The following GARNL3 variants were observed in gnomAD, a reference collection of about 807,000 sequenced individuals.
GARNL3 encodes the protein GTPase-activating Rap/Ran-GAP domain-like protein 3.
A neutral mutation model predicts 125.0 loss-of-function variants in GARNL3; 63 were observed. The ratio of observed to expected loss-of-function variants is 0.50; its 90% confidence interval spans 0.41 to 0.62. The LOEUF is 0.62. GARNL3 is among the 20% of genes least tolerant of loss of function. The pLI is 0.00. For synonymous variants in GARNL3, 439 were observed against 457.5 expected, an observed-to-expected ratio of 0.96 and a Z score of 0.52; for missense variants, 994 against 1,244.0, an observed-to-expected ratio of 0.80 and a Z score of 3.02.
chr9:127,376,479 G>A (rs9776669), intron 22 of GARNL3, among the ~76,000 whole-genome samples: 72,213 of 151,918 alleles, frequency 0.48, 18,101 homozygotes, highest in East Asian at 0.68. Flanking sequence ...CGGCCTCCCA[G>A]AGTGCTGAGA....
At position 127,387,032 on chromosome 9, in the gene GARNL3, C is replaced by T. The variant is rs1161205636; in HGVS notation, c.2389-161C>T. On this transcript the variant is annotated intron_variant, in intron 24 of 27. Transcript: ENST00000373387. ...GTGTAACTAGCCACGCTGGGCTTTCCTCCAGAAGGCTCTCTCCATCCCTCG... is the reference window on the plus strand; with the variant it reads ...GTGTAACTAGCCACGCTGGGCTTTCTTCCAGAAGGCTCTCTCCATCCCTCG... 11 of 626,846 alleles carry T rather than the reference C, an allele frequency of 1.8e-5. No homozygotes were observed. In the Admixed American group the frequency reaches 3.1e-4, roughly 18 times the overall value. The allele number at this position is 626,846 out of a possible 1,614,324, so 38.8% of individuals were successfully genotyped here.
chr9:127,364,232 G>A lies in GARNL3; in HGVS notation c.2095-1068G>A, dbSNP rs1483331416. The A allele has an allele frequency of 6.6e-6, 1 of 152,214 alleles. No individual in the cohort carries two copies. The highest frequency in any genetic ancestry group is 1.5e-5 in the Non-Finnish European group (1 of 68,094). The allele number at this position is 152,214 out of a possible 1,614,324, so 9.4% of individuals were successfully genotyped here. A position where few individuals can be genotyped will look rare whatever the true frequency, so the allele number is the denominator to read the frequency against. ...CTGAGCCCGTGAATTTAGGGTTTTG[G>A]GCACAAAGCAAAATTTGGAGCTATA... On this transcript the variant is annotated intron_variant, in intron 21 of 27. Coordinates refer to ENST00000373387, the MANE Select transcript of GARNL3 (RefSeq NM_032293.5). The surrounding 1 kb of genome is among the most constrained non-coding windows in gnomAD (Gnocchi z 4.2).
intron 1 of GARNL3, chr9:127,225,239 G>A: frequency 2.3e-5 from 11 of 476,614 alleles, no homozygotes; most frequent in Non-Finnish European, 3.0e-5. Flanking sequence ...GGGCTGCGGC[G>A]CGCGAGCCGA....
chr9:127,336,827 G>A (rs1829580311), intron 11 of GARNL3, among the ~76,000 whole-genome samples: 1 of 152,240 alleles, frequency 6.6e-6, no homozygotes, highest in South Asian at 2.1e-4. Flanking sequence ...GACCTGCCCA[G>A]CAGACACTCA....
intron 1 of GARNL3, among the ~76,000 whole-genome samples, chr9:127,288,721 A>G (rs1213998936): frequency 6.6e-6 from 1 of 152,142 alleles, no homozygotes; most frequent in Admixed American, 6.5e-5. Flanking sequence ...CCTGTTCTAA[A>G]CTCAACAAAT....
chr9:127,246,742 G>C (rs1471226627), intron 2 of GARNL3, among the ~76,000 whole-genome samples: 3 of 152,116 alleles, frequency 2.0e-5, no homozygotes, highest in Admixed American at 6.5e-5. Flanking sequence ...AGGAGGCGGG[G>C]ATTGCAGTGA....
intron 4 of GARNL3, among the ~76,000 whole-genome samples, chr9:127,317,364 G>A (rs2065268271): frequency 6.6e-6 from 1 of 152,050 alleles, no homozygotes; most frequent in Non-Finnish European, 1.5e-5. Context: ...ATTATTTTTG[G>A]GTCCCATTGA....
At chr9:127,387,385 C>A in intron 25 of GARNL3, 54 bp downstream of exon 25, 2 of 1,503,614 alleles carry the variant, frequency 1.3e-6, no homozygotes, top group Non-Finnish European at 1.8e-6. Context: ...TCTAATTTCT[C>A]TAGTTTGTTG....
At chr9:127,241,830 C>T (rs775851217) in intron 1 of GARNL3, among the ~76,000 whole-genome samples, 9 of 152,072 alleles carry the variant, frequency 5.9e-5, no homozygotes, top group East Asian at 3.9e-4. Flanking sequence ...TGCAGTGGTG[C>T]AATCTCGGCT....
chr9:127,302,044 G>A (rs111430230), intron 2 of GARNL3, among the ~76,000 whole-genome samples: 100 of 137,538 alleles, frequency 7.3e-4, no homozygotes, highest in African/African-American at 2.6e-3. Flanking sequence ...CTGGGTTCAC[G>A]CCATTCTCCT....
intron 10 of GARNL3, among the ~76,000 whole-genome samples, chr9:127,335,766 G>A (rs1267056171): frequency 2.0e-5 from 3 of 152,068 alleles, no homozygotes; most frequent in Non-Finnish European, 4.4e-5. Flanking sequence ...TTGTCAAAAT[G>A]AGACTCTCCA....
intron 10 of GARNL3, 47 bp downstream of exon 10, chr9:127,335,380 A>AG (rs1829493679): frequency 1.4e-5 from 19 of 1,368,050 alleles, no homozygotes; most frequent in Non-Finnish European, 2.0e-5. Flanking sequence ...GAATGTGGAG[A>AG]GGGCACCATT....
chr9:127,335,484 T>G, intron 10 of GARNL3, 151 bp downstream of exon 10: 1 of 650,546 alleles, frequency 1.5e-6, no homozygotes, highest in Non-Finnish European at 2.8e-6. Context: ...GTATTGGAAC[T>G]TTCTACAAAT....
chr9:127,230,457 C>A (rs1380795942), intron 1 of GARNL3, among the ~76,000 whole-genome samples: 1 of 151,988 alleles, frequency 6.6e-6, no homozygotes, highest in African/African-American at 2.4e-5. Context: ...GTCGGGAGTT[C>A]GAACCTGACC....
At chr9:127,329,410 GGGTGCACA>G (rs910739473) in intron 7 of GARNL3, among the ~76,000 whole-genome samples, 3 of 152,104 alleles carry the variant, frequency 2.0e-5, no homozygotes, top group Non-Finnish European at 4.4e-5. Context: ...CTACACCCTT[GGGTGCACA>G]GGTACTTAAA....
chr9:127,247,791 T>A lies in GARNL3; in HGVS notation c.143+4542T>A, dbSNP rs967586070. Among the ~76,000 whole-genome samples the A allele has an allele frequency of 8.5e-5, 13 of 152,318 alleles. No homozygotes were observed. The South Asian group carries it at 2.7e-3, about 32-fold the overall frequency. On this transcript the variant is annotated intron_variant, in intron 2 of 10. Transcript: ENST00000439286. ...TGTGTTACAAATAACGCAATTATAC[T>A]CTTTTAGTTATTTAAAAATGTACAA...
chr9:127,313,734 G>C, intron 4 of GARNL3, among the ~76,000 whole-genome samples, 175 bp downstream of exon 4: 1 of 151,784 alleles, frequency 6.6e-6, no homozygotes, highest in East Asian at 1.9e-4. Context: ...TCTGCACCAG[G>C]AGACTGTTTT....
chr9:127,228,047 A>G (rs1430115309), intron 1 of GARNL3, among the ~76,000 whole-genome samples: 8 of 152,206 alleles, frequency 5.3e-5, no homozygotes, highest in African/African-American at 1.7e-4. Context: ...CTTTTTTCTT[A>G]ACTATGTATG....
chr9:127,339,296 CAAAA>C (rs58392654), intron 12 of GARNL3, among the ~76,000 whole-genome samples: 2 of 120,900 alleles, frequency 1.7e-5, no homozygotes, highest in Non-Finnish European at 1.8e-5. Flanking sequence ...GACTCCGTCT[CAAAA>C]AAAAAAAAAA....
Sources: allele counts gnomAD v4.1 joint callset (sites outside exome capture counted in the v4.1 genomes callset), GRCh38; gene constraint gnomAD v4.1.1; non-coding constraint Gnocchi (gnomAD v3.1); transcripts MANE v1.5; gene names NCBI Gene and HGNC (gene_info 2026-07-23, HGNC 2026-07-21).